The following TES variants were observed in gnomAD, a reference collection of about 807,000 sequenced individuals.
TES encodes testin.
TES carries 41 observed loss-of-function variants against 48.2 expected under a neutral mutation model. The observed-to-expected ratio is 0.85, with a 90% CI of 0.66 to 1.10. TES has a LOEUF of 1.10. Among genes scored for constraint, TES ranks in the 50% least tolerant of loss-of-function variants. The probability of loss-of-function intolerance (pLI) is 0.00; values close to 1 mark genes in which losing one functional copy is unlikely to be tolerated. For synonymous variants in TES, 162 were observed against 174.9 expected (o/e 0.93, Z 0.58); for missense variants, 463 against 515.1 (o/e 0.90, Z 0.98).
intron 1 of TES, among the ~76,000 whole-genome samples, chr7:116,215,447 A>C (rs760808280): frequency 3.3e-5 from 5 of 152,156 alleles, no homozygotes; most frequent in African/African-American, 1.2e-4. Context: ...TATTCCCTTT[A>C]GTGTAAGTTG....
chr7:116,234,488 T>C (rs1473035284), intron 1 of TES, 46 bp from the exon 2 acceptor site: 1 of 1,523,416 alleles, frequency 6.6e-7, no homozygotes, highest in Admixed American at 1.8e-5. Flanking sequence ...ATTTTTAGAT[T>C]TGTAAAGAAT....
chr7:116,227,369 G>T (rs146429015), intron 1 of TES, among the ~76,000 whole-genome samples: 198 of 151,498 alleles, frequency 1.3e-3, no homozygotes, highest in African/African-American at 4.5e-3. Context: ...TGATCCACCC[G>T]CCTCAGCCTC....
intron 2 of TES, among the ~76,000 whole-genome samples, chr7:116,247,397 A>G (rs575015404): frequency 1.3e-3 from 198 of 152,292 alleles, no homozygotes; most frequent in African/African-American, 4.5e-3. Flanking sequence ...TTGTGGTTTT[A>G]TTTAATTCAT....
Position 116,234,696 on chromosome 7 carries a change from C to A in TES, c.113+77C>A, listed in dbSNP as rs1430155112. The A allele has an allele frequency of 4.5e-5, 53 of 1,187,974 alleles. 2 individuals carry two copies. The South Asian group carries it at 6.5e-4, about 15-fold the overall frequency. The allele number at this position is 1,187,974 out of a possible 1,614,324, so 73.6% of individuals were successfully genotyped here. ...CTTCCTCAGACAGTGGAGATATCTT[C>A]GAGTTCTCCAGCATGGTTGCTAAGT... On this transcript the variant is annotated intron_variant, in intron 2 of 6. Transcript: ENST00000358204.
At position 116,250,446 on chromosome 7, in the gene TES, G is replaced by C. The variant is rs1373082135; in HGVS notation, c.652G>C (p.Ala218Pro). ...TGGAGGGGATAGAAGCACCCCAGCA[G>C]CAGTGGGGGCCATGGAGGACAAATC... ...IPGGDRSTPAAVGAMEDKSAE... is the reference protein window; with the variant it reads ...IPGGDRSTPAPVGAMEDKSAE... The change falls in exon 4 of 7, where the codon GCA becomes CCA. Residue 218 changes from alanine (A) to proline (P), a missense_variant. Ala to Pro is a conservative substitution (Grantham distance 27). Transcript: ENST00000358204. 6.3e-7 allele frequency: 1 copy of C among 1,594,078 alleles called. No individual in the cohort carries two copies. Among genetic ancestry groups the C allele is most frequent in the African/African-American group, 1.3e-5 (1 of 74,370 alleles).
Position 116,251,915 on chromosome 7 carries a change from G to A in TES, c.858G>A (p.Lys286=), listed in dbSNP as rs1563015319. ...VDMIYFWKNE[K]LYCGRHYCDS... is the part of the protein sequence containing the mutation. ...TGATTTATTTTTGGAAGAATGAGAA[G>A]CTATACTGTGGCAGACATTACTGTG... The change falls in exon 5 of 7, where the codon AAG becomes AAA. Residue 286 remains lysine, a synonymous_variant. Coordinates refer to ENST00000358204, the MANE Select transcript of TES (RefSeq NM_015641.4). 1 of 1,614,118 alleles carries A rather than the reference G, an allele frequency of 6.2e-7. No homozygotes were observed. The highest frequency in any genetic ancestry group is 2.2e-5 in the East Asian group (1 of 44,864).
At chr7:116,242,494 CTCTTCACCACCTA>C (rs1427976732) in intron 2 of TES, among the ~76,000 whole-genome samples, 3 of 147,748 alleles carry the variant, frequency 2.0e-5, no homozygotes, top group African/African-American at 7.5e-5. Context: ...AGCAATTTGC[CTCTTCACCACCTA>C]TCTCTCTCTC....
intron 1 of TES, among the ~76,000 whole-genome samples, chr7:116,229,014 AT>A (rs1584615455): frequency 4.3e-5 from 6 of 138,952 alleles, no homozygotes; most frequent in East Asian, 2.2e-4. Context: ...ATATATATAT[AT>A]ATATATATAT....
At chr7:116,220,661 G>A (rs1297454626) in intron 1 of TES, among the ~76,000 whole-genome samples, 1 of 152,136 alleles carries the variant, frequency 6.6e-6, no homozygotes, top group East Asian at 1.9e-4. Flanking sequence ...TAGTTAGTTA[G>A]ACCTTAGTAC....
intron 2 of TES, among the ~76,000 whole-genome samples, chr7:116,245,289 T>G (rs972526865): frequency 3.9e-5 from 6 of 152,112 alleles, no homozygotes; most frequent in African/African-American, 1.4e-4. Flanking sequence ...GCTTAAAAAT[T>G]TCTTCCACCA....
intron 1 of TES, among the ~76,000 whole-genome samples, chr7:116,227,993 CAT>C (rs1055249189): frequency 6.8e-5 from 10 of 148,140 alleles, no homozygotes; most frequent in Non-Finnish European, 4.5e-5. Context: ...CCAGATGTTC[CAT>C]AGTCTTTTTT....
At position 116,225,375 on chromosome 7, in the gene TES, T is replaced by A. The variant is rs774468524; in HGVS notation, c.28-9159T>A. Among the ~76,000 whole-genome samples, 10 of 152,242 alleles carry A rather than the reference T, an allele frequency of 6.6e-5. 1 individual carries two copies. Among genetic ancestry groups the A allele is most frequent in the Non-Finnish European group, 1.0e-4 (7 of 68,018 alleles). ...GACAATACCTTTGTCATTAACTTAA[T>A]ACTGTTACTGCCTTAAGAAATGTAG... On this transcript the variant is annotated intron_variant, in intron 1 of 6. Transcript: ENST00000358204.
intron 1 of TES, among the ~76,000 whole-genome samples, chr7:116,229,027 T>C (rs1311624793): frequency 9.2e-6 from 1 of 108,388 alleles, no homozygotes; most frequent in Non-Finnish European, 2.0e-5. Context: ...TATATATATA[T>C]ATATATAATC....
chr7:116,243,573 T>C (rs1584623993), intron 2 of TES, among the ~76,000 whole-genome samples: 1 of 152,232 alleles, frequency 6.6e-6, no homozygotes, highest in East Asian at 1.9e-4. Flanking sequence ...TCCTACACTC[T>C]GTGATATCTT....
chr7:116,250,430 TAGAAGCACCCC>T lies in TES; in HGVS notation c.639_649del (p.Arg213SerfsTer12), dbSNP rs1290180174. On this transcript the variant is annotated frameshift_variant, in exon 4 of 7. Transcript: ENST00000358204. LOFTEE classifies it high-confidence loss of function. The stretch of plus-strand genomic sequence containing the variant: ...AACAAATGAACATTCCTGGAGGGGA[TAGAAGCACCCC>T]AGCAGCAGTGGGGGCCATGGAGGAC... 2.5e-6 allele frequency: 4 copies of T among 1,606,794 alleles called. No homozygotes were observed. In the African/African-American group the frequency reaches 5.4e-5, roughly 22 times the overall value.
At chr7:116,221,159 TTTAA>T (rs1347439701) in intron 1 of TES, among the ~76,000 whole-genome samples, 4 of 152,188 alleles carry the variant, frequency 2.6e-5, no homozygotes, top group Non-Finnish European at 5.9e-5. Flanking sequence ...ATTTAATATA[TTTAA>T]TGTATCCTTT....
intron 1 of TES, among the ~76,000 whole-genome samples, chr7:116,233,842 C>G (rs1168006375): frequency 1.3e-5 from 2 of 152,122 alleles, no homozygotes; most frequent in Non-Finnish European, 2.9e-5. Context: ...CTTGTTGCTG[C>G]ATCTTCACAT....
chr7:116,249,870 T>C, intron 3 of TES: 1 of 256,534 alleles, frequency 3.9e-6, no homozygotes, highest in Admixed American at 5.4e-5. Context: ...AAGTTTATGT[T>C]TTCTTTCAAT....
At chr7:116,215,488 A>G (rs542536951) in intron 1 of TES, among the ~76,000 whole-genome samples, 98 of 152,306 alleles carry the variant, frequency 6.4e-4, no homozygotes, top group African/African-American at 2.0e-3. Context: ...GAGGCAAAGT[A>G]TACGAAAAGT....
Sources: gnomAD v4.1 joint callset for allele counts (sites outside exome capture counted in the v4.1 genomes callset) on GRCh38, gnomAD v4.1.1 for gene constraint, MANE v1.5 for transcripts, NCBI Gene and HGNC (gene_info 2026-07-23, HGNC 2026-07-21) for gene names.